The following FKBP9 variants were observed in gnomAD, a reference collection of about 807,000 sequenced individuals.
The protein encoded by FKBP9 is FKBP prolyl isomerase 9.
Under a neutral mutation model 55.6 loss-of-function variants are expected in FKBP9, and 27 were observed. The observed-to-expected ratio is 0.49, with a 90% CI of 0.36 to 0.67. The LOEUF is 0.67. FKBP9 is among the 30% of genes least tolerant of loss of function. The probability of loss-of-function intolerance (pLI) is 0.00; values close to 1 mark genes in which losing one functional copy is unlikely to be tolerated. For missense variants in FKBP9, 539 were observed against 742.8 expected (o/e 0.73, Z 3.19); for synonymous variants, 267 against 296.5 (o/e 0.90, Z 1.02).
chr7:32,957,712 T>G lies in FKBP9; in HGVS notation c.139T>G (p.Cys47Gly). The change falls in exon 1 of 10, where the codon TGC becomes GGC. Residue 47 changes from cysteine to glycine, a missense_variant. Physicochemically the swap from Cys to Gly is radical, Grantham distance 159. Transcript: ENST00000242209. Reference sequence around the variant, plus strand: ...CGAGCGGCGCTTCGTGCCCGACGAGTGCCCGCGCACCGTGCGCAGCGGCGA... The same window carrying G: ...CGAGCGGCGCTTCGTGCCCGACGAGGGCCCGCGCACCGTGCGCAGCGGCGA... ...QIERRFVPDECPRTVRSGDFV... is the reference protein window; with the variant it reads ...QIERRFVPDEGPRTVRSGDFV... 1 of 1,544,200 alleles carries G rather than the reference T, an allele frequency of 6.5e-7. No homozygotes were observed. The highest frequency in any genetic ancestry group is 8.7e-7 in the Non-Finnish European group (1 of 1,153,884).
At chr7:32,962,342 C>T (rs542706941) in intron 1 of FKBP9, among the ~76,000 whole-genome samples, 5 of 152,244 alleles carry the variant, frequency 3.3e-5, no homozygotes, top group Admixed American at 6.5e-5. Flanking sequence ...TGCGGTGAGT[C>T]GAGATTGCAC....
chr7:32,968,026 A>T (rs1454642523), intron 1 of FKBP9, among the ~76,000 whole-genome samples: 1 of 152,176 alleles, frequency 6.6e-6, no homozygotes, highest in Middle Eastern at 3.2e-3. Context: ...AAGTGTTGGG[A>T]TTACAGGCGT....
intron 1 of FKBP9, among the ~76,000 whole-genome samples, chr7:32,974,404 C>G (rs1212736007): frequency 6.7e-6 from 1 of 148,988 alleles, no homozygotes; most frequent in African/African-American, 2.5e-5. Context: ...TCTTATTGAA[C>G]TAGATTTGCT....
At chr7:32,962,396 A>G (rs910620581) in intron 1 of FKBP9, among the ~76,000 whole-genome samples, 6 of 152,190 alleles carry the variant, frequency 3.9e-5, no homozygotes, top group Non-Finnish European at 5.9e-5. Flanking sequence ...CTCCTTCTCA[A>G]AAACTAACTA....
In FKBP9 at chr7:32,975,333, C is replaced by A. The variant is rs1340581437; in HGVS notation, c.519C>A (p.Tyr173Ter). The change falls in exon 3 of 10, where the codon TAC becomes TAA. Residue 173 changes from tyrosine (Y) to a stop codon, truncating the protein, a stop_gained. Coordinates refer to ENST00000242209, the MANE Select transcript of FKBP9 (RefSeq NM_007270.5). LOFTEE classifies it high-confidence loss of function. ...IQVSDFVRYHYNGTFLDGTLF... is the reference protein window; with the variant it reads ...IQVSDFVRYH ...TGTCTGATTTTGTGAGGTACCACTA[C>A]AACGGGACGTTCCTGGACGGAACTC... 8 of 1,613,896 alleles carry A rather than the reference C, an allele frequency of 5.0e-6. No homozygotes were observed. Among genetic ancestry groups the A allele is most frequent in the Non-Finnish European group, 5.9e-6 (7 of 1,179,872 alleles).
chr7:32,990,899 G>A (rs1442024249), intron 6 of FKBP9, among the ~76,000 whole-genome samples: 1 of 149,680 alleles, frequency 6.7e-6, no homozygotes, highest in East Asian at 1.9e-4. Flanking sequence ...CAAGTTGGTT[G>A]GAAGGTAGGT....
intron 1 of FKBP9, among the ~76,000 whole-genome samples, chr7:32,958,753 T>C (rs1783955887): frequency 2.6e-5 from 4 of 152,120 alleles, no homozygotes; most frequent in Admixed American, 2.0e-4. Context: ...AGCCCAGAAC[T>C]CCTTCTCTCA....
intron 4 of FKBP9, among the ~76,000 whole-genome samples, chr7:32,977,475 A>G (rs905577014): frequency 7.2e-5 from 11 of 152,200 alleles, no homozygotes; most frequent in African/African-American, 2.4e-4. Flanking sequence ...CCTGTGAGCT[A>G]CTGTAACACA....
At position 33,005,325 on chromosome 7, in the gene FKBP9, C is replaced by T; in HGVS notation, c.1687C>T (p.Gln563Ter). Residue 563 changes from glutamine to a stop codon, truncating the protein, a stop_gained, in exon 10 of 10, where the codon CAG (glutamine) becomes TAG (stop). Transcript: ENST00000242209. LOFTEE classifies it high-confidence loss of function. ...AGCCGAGGAATTTAAACTCAAAGAC[C>T]AGGAAGCCAAACACGATGAACTCTA... The part of the protein sequence containing the change: ...VTAEEFKLKD[Q>*]EAKHDEL 1 of 1,614,024 alleles carries T rather than the reference C, an allele frequency of 6.2e-7. No individual in the cohort carries two copies. Among genetic ancestry groups the T allele is most frequent in the South Asian group, 1.1e-5 (1 of 91,080 alleles).
chr7:32,982,824 T>C (rs2127983866), intron 5 of FKBP9, among the ~76,000 whole-genome samples: 1 of 152,280 alleles, frequency 6.6e-6, no homozygotes, highest in East Asian at 1.9e-4. Flanking sequence ...TTGTATAGAT[T>C]TGCCTATATT....
rs552459776 is a variant in FKBP9, at chr7:32,959,388, G to C, written c.221+1594G>C. ...CACTGCACTCCAACCTGGGTGACAG[G>C]GAGACTCCGTCTCAAAAAACAAAAC... is the stretch of plus-strand genomic sequence containing the variant. On this transcript the variant is annotated intron_variant, in intron 1 of 9. Transcript: ENST00000242209. 3.9e-5 allele frequency among the ~76,000 whole-genome samples: 6 copies of C among 152,126 alleles called. No homozygotes were observed. In the South Asian group the frequency reaches 1.2e-3, roughly 31 times the overall value.
rs766495959 is a variant in FKBP9, at chr7:32,988,577, C to T, written c.964C>T (p.Leu322=). The T allele has an allele frequency of 3.0e-5, 48 of 1,613,754 alleles. No individual in the cohort carries two copies. The highest frequency in any genetic ancestry group is 3.9e-5 in the Non-Finnish European group (46 of 1,179,832). Residue 322 remains leucine, a synonymous_variant, in exon 6 of 10, where the codon CTA becomes TTA. Transcript: ENST00000242209. ...GYVIPGMDEG[L]LGVCIGEKRR... is the part of the protein sequence containing the mutation. ...CGTGATTCCTGGGATGGATGAAGGTCTACTTGGTGTTTGCATTGGAGAAAA... is the reference window on the plus strand; with the variant it reads ...CGTGATTCCTGGGATGGATGAAGGTTTACTTGGTGTTTGCATTGGAGAAAA...
intron 1 of FKBP9, among the ~76,000 whole-genome samples, chr7:32,967,146 C>A (rs1050431239): frequency 7.9e-5 from 12 of 152,158 alleles, no homozygotes; most frequent in African/African-American, 2.9e-4. Context: ...GGTGTGATAG[C>A]AGCATTCCCC....
At chr7:32,996,946 C>T (rs1421704434) in intron 7 of FKBP9, among the ~76,000 whole-genome samples, 1 of 151,266 alleles carries the variant, frequency 6.6e-6, no homozygotes, top group South Asian at 2.1e-4. Flanking sequence ...AGGCACCCGC[C>T]ACCGCGCCTG....
At chr7:32,967,362 A>C (rs1219948666) in intron 1 of FKBP9, among the ~76,000 whole-genome samples, 2 of 152,360 alleles carry the variant, frequency 1.3e-5, no homozygotes, top group Non-Finnish European at 1.5e-5. Flanking sequence ...CTTTGTGCCC[A>C]CTGAACAACT....
At chr7:32,984,496 T>G (rs1784539341) in intron 5 of FKBP9, among the ~76,000 whole-genome samples, 1 of 152,158 alleles carries the variant, frequency 6.6e-6, no homozygotes, top group Admixed American at 6.5e-5. Context: ...GGCCTCAAGT[T>G]ATCCACTCGC....
intron 6 of FKBP9, 42 bp from the exon 7 acceptor site, chr7:32,996,121 C>G: frequency 6.3e-7 from 1 of 1,590,250 alleles, no homozygotes; most frequent in Non-Finnish European, 8.6e-7. Context: ...TGTGCTGCAG[C>G]CTGCAGGGGT....
In FKBP9 at chr7:33,005,193, G is replaced by A. The variant is rs752543408; in HGVS notation, c.1555G>A (p.Ala519Thr). The A allele has an allele frequency of 2.8e-5, 45 of 1,613,640 alleles. No homozygotes were observed. The highest frequency in any genetic ancestry group is 4.5e-5 in the East Asian group (2 of 44,882). The stretch of plus-strand genomic sequence containing the variant: ...TTTCCAGTTCTCAGAGTACATTCAC[G>A]CCCAGGTGGCATCTGGCAAAGGGAA... Reference protein sequence around the residue: ...LLEEFSEYIHAQVASGKGKLA... With the variant: ...LLEEFSEYIHTQVASGKGKLA... The change falls in exon 10 of 10, where the codon GCC becomes ACC. Residue 519 changes from alanine (A) to threonine (T), a missense_variant. By Grantham distance (58) the Ala-to-Thr change is moderately conservative (BLOSUM62 0). Around this residue, in one of 4 missense-constraint regions of FKBP9, gnomAD observed 102 missense variants for 200.7 expected, o/e 0.51. Coordinates refer to ENST00000242209, the MANE Select transcript of FKBP9 (RefSeq NM_007270.5).
intron 4 of FKBP9, among the ~76,000 whole-genome samples, chr7:32,977,890 T>TATATATATATATATATAC (rs1473389643): frequency 4.3e-5 from 6 of 139,328 alleles, no homozygotes; most frequent in African/African-American, 1.6e-4. Context: ...TATGTATATA[T>TATATATATATATATATAC]ACACTCATAT....
Sources: gnomAD v4.1 joint callset for allele counts (sites outside exome capture counted in the v4.1 genomes callset) on GRCh38, gnomAD v4.1.1 for gene constraint, gnomAD v4.1.1 regional missense constraint, MANE v1.5 for transcripts, NCBI Gene and HGNC (gene_info 2026-07-23, HGNC 2026-07-21) for gene names.